The following ERGIC2 variants were observed in gnomAD, a reference collection of about 807,000 sequenced individuals.
ERGIC2 encodes the protein endoplasmic reticulum-Golgi intermediate compartment protein 2.
ERGIC2 carries 31 observed loss-of-function variants against 52.5 expected under a neutral mutation model. The ratio of observed to expected loss-of-function variants is 0.59; its 90% CI spans 0.44 to 0.80. The LOEUF (loss-of-function observed/expected upper bound fraction) is 0.80. ERGIC2 is among the 30% of genes least tolerant of loss of function. The probability of loss-of-function intolerance (pLI) is 0.00; values close to 1 mark genes in which losing one functional copy is unlikely to be tolerated. For missense variants in ERGIC2, 395 were observed against 455.2 expected, an observed-to-expected ratio of 0.87 and a Z score of 1.20; for synonymous variants, 129 against 140.6, an observed-to-expected ratio of 0.92 and a Z score of 0.58.
chr12:29,348,526 T>C (rs1356604782), intron 10 of ERGIC2, among the ~76,000 whole-genome samples: 4 of 151,992 alleles, frequency 2.6e-5, no homozygotes, highest in Non-Finnish European at 5.9e-5. Context: ...CTTGATACTT[T>C]AAATGGAGCA....
At chr12:29,351,544 G>A (rs11608616) in intron 8 of ERGIC2, among the ~76,000 whole-genome samples, 18,264 of 152,194 alleles carry the variant, frequency 0.12, 1,257 homozygotes, top group Middle Eastern at 0.24. Context: ...CACTTATCAA[G>A]AGTTTAGGAA....
In ERGIC2 at chr12:29,338,678, C is replaced by T. The variant is rs985433866; in HGVS notation, c.*2478G>A. 6.6e-6 allele frequency: 1 copy of T among 151,936 alleles called. No individual in the cohort carries two copies. Among genetic ancestry groups the T allele is most frequent in the African/African-American group, 2.4e-5 (1 of 41,366 alleles). The allele number at this position is 151,936 out of a possible 1,614,324, so 9.4% of individuals were successfully genotyped here. A position where few individuals can be genotyped will look rare whatever the true frequency, so the allele number is the denominator to read the frequency against. ...AAAAGAGAAAGGGAATTTTGCAATA[C>T]TAAGTTAAGCTTTTCCTAAGAGGTA... On this transcript the variant is annotated 3_prime_UTR_variant, in exon 14 of 14. Transcript: ENST00000360150.
rs1940288732 is a variant in ERGIC2 at position 29,361,674 on chromosome 12, A to G, written c.345T>C (p.Asp115=). The change falls in exon 6 of 14, where the codon GAT becomes GAC. Residue 115 remains aspartate (D), a synonymous_variant. Transcript: ENST00000360150. ...DGLVYEPTVF[D]LSPQQKEWQR... ...GCCACTCTTTCTGCTGTGGTGAAAGATCAAATACTGTCTGAAATGAAAGAA... is the reference window on the plus strand; with the variant it reads ...GCCACTCTTTCTGCTGTGGTGAAAGGTCAAATACTGTCTGAAATGAAAGAA... The G allele has an allele frequency of 4.4e-6, 7 of 1,604,278 alleles. No homozygotes were observed. The highest frequency in any genetic ancestry group is 6.0e-6 in the Non-Finnish European group (7 of 1,175,218).
In ERGIC2 at chr12:29,339,703, A is replaced by G. The variant is rs1357433269; in HGVS notation, c.*1453T>C. On this transcript the variant is annotated 3_prime_UTR_variant, in exon 14 of 14. Coordinates refer to ENST00000360150, the MANE Select transcript of ERGIC2 (RefSeq NM_016570.3). ...ATAAACTTTACTGCAAAACAGACCC[A>G]TCACTATTTCTCCTTCTCTCCATTA... is the stretch of plus-strand genomic sequence containing the variant. The G allele has an allele frequency of 6.6e-6, 1 of 152,134 alleles. No individual in the cohort carries two copies. The highest frequency in any genetic ancestry group is 1.5e-5 in the Non-Finnish European group (1 of 67,996). The allele number at this position is 152,134 out of a possible 1,614,324, so 9.4% of individuals were successfully genotyped here.
chr12:29,365,730 T>G (rs1940352249), intron 5 of ERGIC2, among the ~76,000 whole-genome samples: 1 of 151,306 alleles, frequency 6.6e-6, no homozygotes, highest in Non-Finnish European at 1.5e-5. Flanking sequence ...GTATAAAATG[T>G]AATACAAATA....
chr12:29,341,861 G>C (rs770434058), intron 12 of ERGIC2, 45 bp from the exon 13 acceptor site: 1 of 950,230 alleles, frequency 1.1e-6, no homozygotes, highest in Non-Finnish European at 1.7e-6. Flanking sequence ...TTCCTAAACT[G>C]TTATTTAAGA....
chr12:29,356,251 G>A (rs1940202707), intron 8 of ERGIC2, 131 bp downstream of exon 8: 1 of 564,182 alleles, frequency 1.8e-6, no homozygotes, highest in African/African-American at 1.9e-5. Flanking sequence ...TTGAACTCCT[G>A]ACCTCAGGTG....
chr12:29,348,935 T>G, intron 10 of ERGIC2, 144 bp downstream of exon 10: 1 of 505,236 alleles, frequency 2.0e-6, no homozygotes, highest in Non-Finnish European at 3.5e-6. Context: ...CTAGGACAAA[T>G]TCTCTTCACA....
chr12:29,357,685 A>G lies in ERGIC2; in HGVS notation c.414T>C (p.His138=), dbSNP rs763585310. The change falls in exon 7 of 14, where the codon CAT becomes CAC. Residue 138 remains histidine, a synonymous_variant. Coordinates refer to ENST00000360150, the MANE Select transcript of ERGIC2 (RefSeq NM_016570.3). ...TTTTAAATATCACATCTTGAAGTGAATGCTCTTCTTGTAGCCTACTCTGAA... is the reference window on the plus strand; with the variant it reads ...TTTTAAATATCACATCTTGAAGTGAGTGCTCTTCTTGTAGCCTACTCTGAA... ...QLIQSRLQEE[H]SLQDVIFKSA... 1 of 1,609,812 alleles carries G rather than the reference A, an allele frequency of 6.2e-7. No homozygotes were observed. Among genetic ancestry groups the G allele is most frequent in the South Asian group, 1.1e-5 (1 of 90,842 alleles).
At chr12:29,365,275 A>G (rs1236093382) in intron 5 of ERGIC2, among the ~76,000 whole-genome samples, 1 of 152,180 alleles carries the variant, frequency 6.6e-6, no homozygotes, top group African/African-American at 2.4e-5. Context: ...CTATGCAGCC[A>G]TAAAAAAGAA....
intron 1 of ERGIC2, among the ~76,000 whole-genome samples, chr12:29,377,074 G>C (rs193253497): frequency 1.3e-5 from 2 of 151,924 alleles, no homozygotes; most frequent in Non-Finnish European, 2.9e-5. Flanking sequence ...CACACGGCCC[G>C]CCCCTCTCAA....
chr12:29,341,745 G>T lies in ERGIC2; in HGVS notation c.1060C>A (p.Pro354Thr). 3.2e-6 allele frequency: 5 copies of T among 1,579,412 alleles called. No homozygotes were observed. Among genetic ancestry groups the T allele is most frequent in the Non-Finnish European group, 4.4e-6 (5 of 1,148,830 alleles). Residue 354 changes from proline to threonine, a missense_variant, in exon 13 of 14, where the codon CCT becomes ACT. Physicochemically the swap from Pro to Thr is conservative, Grantham distance 38 (BLOSUM62 -1). Transcript: ENST00000360150. ...ACTACACCACTTACAGAATTGACAG[G>T]TTTATAGGATCCAAGTCTGAAACGA... ...CCRFRLGSYK[P>T]VNSVPFEDGH... is the part of the protein sequence containing the mutation.
In ERGIC2 at chr12:29,367,008, T is replaced by C. The variant is rs374188900; in HGVS notation, c.263-61A>G. On this transcript the variant is annotated intron_variant, in intron 4 of 13. Transcript: ENST00000360150. ...ATGCTTGGAGGCAAACCATCCCCAA[T>C]ATAAACAAATTAAGCCAACTAACAG... 647 of 894,818 alleles carry C rather than the reference T, an allele frequency of 7.2e-4. 3 individuals carry two copies. Among genetic ancestry groups the C allele is most frequent in the Admixed American group, 3.5e-3 (124 of 35,390 alleles). The allele number at this position is 894,818 out of a possible 1,614,324, so 55.4% of individuals were successfully genotyped here.
rs1225316239 is a variant in ERGIC2, at chr12:29,343,300, G to A, written c.826-18C>T. On this transcript the variant is annotated intron_variant, in intron 11 of 13. Coordinates refer to ENST00000360150, the MANE Select transcript of ERGIC2 (RefSeq NM_016570.3). ...ATACGTTCCTAAAAGGGAGGCAAAA[G>A]GAAGGGGAGAAATAGGAGGAAGAGA... The A allele has an allele frequency of 1.9e-6, 3 of 1,559,178 alleles. No individual in the cohort carries two copies. Among genetic ancestry groups the A allele is most frequent in the East Asian group, 2.3e-5 (1 of 43,756 alleles).
At chr12:29,345,395 T>C (rs748497904) in intron 11 of ERGIC2, 48 bp downstream of exon 11, 1 of 1,111,622 alleles carries the variant, frequency 9.0e-7, no homozygotes, top group Non-Finnish European at 1.3e-6. Flanking sequence ...TTTAAAATGC[T>C]TTTTTAAAAA....
At chr12:29,355,095 A>G (rs891636659) in intron 8 of ERGIC2, among the ~76,000 whole-genome samples, 3 of 152,174 alleles carry the variant, frequency 2.0e-5, no homozygotes, top group Admixed American at 6.5e-5. Flanking sequence ...TTCCTGCTGT[A>G]TGCCCTTCCC....
intron 2 of ERGIC2, 32 bp downstream of exon 2, chr12:29,371,496 C>G (rs750907753): frequency 7.1e-7 from 1 of 1,405,922 alleles, no homozygotes. Context: ...GTTGTACTTA[C>G]TACAGAACTT....
chr12:29,361,825 C>G (rs1038609095), intron 5 of ERGIC2, 140 bp from the exon 6 acceptor site: 17 of 526,474 alleles, frequency 3.2e-5, no homozygotes, highest in Non-Finnish European at 9.6e-6. Context: ...CATTCAACTT[C>G]TATAAGTCAA....
At chr12:29,349,562 T>G (rs1940104118) in intron 9 of ERGIC2, among the ~76,000 whole-genome samples, 1 of 152,040 alleles carries the variant, frequency 6.6e-6, no homozygotes, top group South Asian at 2.1e-4. Context: ...ATCAGATATA[T>G]TTTTAATACA....
Sources: gnomAD v4.1 joint callset for allele counts (sites outside exome capture counted in the v4.1 genomes callset) on GRCh38, gnomAD v4.1.1 for gene constraint, MANE v1.5 for transcripts, NCBI Gene and HGNC (gene_info 2026-07-23, HGNC 2026-07-21) for gene names.